NSL1: variants seen among roughly 807,000 people sequenced by gnomAD.
NSL1 encodes the protein kinetochore-associated protein NSL1 homolog.
Under a neutral mutation model 25.4 loss-of-function variants are expected in NSL1, and 11 were observed. That is an observed-to-expected ratio of 0.43 (90% confidence interval 0.27 to 0.72). The LOEUF (loss-of-function observed/expected upper bound fraction) is 0.72. Among genes scored for constraint, NSL1 ranks in the 30% least tolerant of loss-of-function variants. The pLI, the probability that NSL1 is intolerant of heterozygous loss-of-function variation, is 0.19. For missense variants in NSL1, 330 were observed against 342.7 expected (o/e 0.96, Z 0.29); for synonymous variants, 118 against 120.6 (o/e 0.98, Z 0.14).
chr1:212,770,139 GAT>G (rs1281291478), intron 4 of NSL1, among the ~76,000 whole-genome samples: 1 of 151,960 alleles, frequency 6.6e-6, no homozygotes, highest in African/African-American at 2.4e-5. Context: ...TCAGAAAGAG[GAT>G]ATAATAATTC....
intron 3 of NSL1, among the ~76,000 whole-genome samples, chr1:212,783,084 A>G (rs1660797655): frequency 6.6e-6 from 1 of 152,208 alleles, no homozygotes; most frequent in South Asian, 2.1e-4. Flanking sequence ...AGGCAGGAGA[A>G]TGTCTTTTGC....
At chr1:212,773,919 T>C (rs761097392) in intron 4 of NSL1, among the ~76,000 whole-genome samples, 12 of 149,830 alleles carry the variant, frequency 8.0e-5, no homozygotes, top group Non-Finnish European at 1.8e-4. Context: ...TTAAGTGAAA[T>C]AAGCCAGGGA....
intron 4 of NSL1, chr1:212,766,389 A>G (rs1448427929): frequency 2.3e-6 from 1 of 426,776 alleles, no homozygotes; most frequent in African/African-American, 2.0e-5. Context: ...GAGGAACCCA[A>G]ACTGTCACTG....
intron 4 of NSL1, among the ~76,000 whole-genome samples, chr1:212,758,900 A>G (rs1331650846): frequency 4.6e-5 from 7 of 152,232 alleles, no homozygotes; most frequent in Admixed American, 1.3e-4. Flanking sequence ...CAAAGCTATA[A>G]TAATCAAGAC....
intron 4 of NSL1, among the ~76,000 whole-genome samples, chr1:212,741,283 C>T (rs1372363495): frequency 6.6e-6 from 1 of 152,218 alleles, no homozygotes; most frequent in African/African-American, 2.4e-5. Flanking sequence ...ACTCTCTCTT[C>T]AAGCTTGCAC....
At chr1:212,747,390 G>A (rs1658851516) in intron 4 of NSL1, among the ~76,000 whole-genome samples, 1 of 152,232 alleles carries the variant, frequency 6.6e-6, no homozygotes, top group African/African-American at 2.4e-5. Context: ...AGAAGCTTAT[G>A]GAGAGGCCCA....
Position 212,734,677 on chromosome 1 carries a change from C to A in NSL1, c.*3731G>T, listed in dbSNP as rs577193892. ...TCAATATAGTATCTTTGATATTGAT[C>A]CACATTGTTATAACAGTAATTTGTT... On this transcript the variant is annotated 3_prime_UTR_variant, in exon 6 of 6. Transcript: ENST00000366977. 7.9e-5 allele frequency among the ~76,000 whole-genome samples: 12 copies of A among 152,264 alleles called. No individual in the cohort carries two copies. Among genetic ancestry groups the A allele is most frequent in the African/African-American group, 2.9e-4 (12 of 41,546 alleles).
Position 212,738,441 on chromosome 1 carries a change from TG to T in NSL1, c.812del (p.Pro271HisfsTer36). 2 of 1,613,370 alleles carry T rather than the reference TG, an allele frequency of 1.2e-6. No homozygotes were observed. The highest frequency in any genetic ancestry group is 1.7e-6 in the Non-Finnish European group (2 of 1,179,836). ...TKDCPQRKWY[P>X]LRPKKINLDT ...CAAGATTAATTTTCTTTGGCCGCAA[TG>T]GATACCATTTTCTCTGGGGGCAGTC... On this transcript the variant is annotated frameshift_variant, in exon 6 of 6. Coordinates refer to ENST00000366977, the MANE Select transcript of NSL1 (RefSeq NM_015471.4). LOFTEE classifies it high-confidence loss of function.
chr1:212,753,697 T>C (rs78015280), intron 4 of NSL1, among the ~76,000 whole-genome samples: 3,471 of 152,300 alleles, frequency 0.023, 63 homozygotes, highest in South Asian at 0.041. Flanking sequence ...GATGTATTTA[T>C]TGGGCATGCT....
At chr1:212,770,493 C>A (rs56030642) in intron 4 of NSL1, among the ~76,000 whole-genome samples, 11,818 of 151,320 alleles carry the variant, frequency 0.078, 591 homozygotes, top group Middle Eastern at 0.13. Context: ...AACAAACAAA[C>A]AAAAAAACCA....
At chr1:212,745,160 CTATATATATATATATATAT>C (rs1170336301) in intron 4 of NSL1, among the ~76,000 whole-genome samples, 189 of 117,706 alleles carry the variant, frequency 1.6e-3, no homozygotes, top group East Asian at 9.5e-3. Context: ...AACAAACAAA[CTATATATATATATATATAT>C]ATATATATAT....
chr1:212,746,198 T>G (rs1220940250), intron 4 of NSL1, among the ~76,000 whole-genome samples: 1 of 151,934 alleles, frequency 6.6e-6, no homozygotes, highest in Non-Finnish European at 1.5e-5. Flanking sequence ...GACAAATGCA[T>G]CAAACAACAA....
chr1:212,733,031 A>G lies in NSL1; in HGVS notation c.*5377T>C, dbSNP rs1027089758. On this transcript the variant is annotated 3_prime_UTR_variant, in exon 6 of 6. Transcript: ENST00000366977. ...CTTTATTCTCTTTTTAAATTGAGAT[A>G]TACTTTACCATCTCACTCACCCTTT... Among the ~76,000 whole-genome samples the G allele has an allele frequency of 1.3e-4, 20 of 152,196 alleles. No homozygotes were observed. Among genetic ancestry groups the G allele is most frequent in the Admixed American group, 5.2e-4 (8 of 15,276 alleles).
At chr1:212,784,951 T>C (rs1232119003) in intron 2 of NSL1, among the ~76,000 whole-genome samples, 2 of 152,226 alleles carry the variant, frequency 1.3e-5, no homozygotes, top group African/African-American at 2.4e-5. Flanking sequence ...AAAAAAGGAA[T>C]AGGGAGAAGC....
rs750711277 is a variant in NSL1 at position 212,738,514 on chromosome 1, G to A, written c.740C>T (p.Ala247Val). ...TQIETTPTET[A>V]SRKTSDMVLK... ...TACCATGTCAGAGGTTTTCCTGGAAGCAGTCTCTGTTGGTGTGGTTTCTAT... is the reference window on the plus strand; with the variant it reads ...TACCATGTCAGAGGTTTTCCTGGAAACAGTCTCTGTTGGTGTGGTTTCTAT... Residue 247 changes from alanine to valine, a missense_variant, in exon 6 of 6, where the codon GCT becomes GTT. Ala to Val is a moderately conservative substitution (Grantham distance 64). Transcript: ENST00000366977. The A allele has an allele frequency of 9.3e-6, 15 of 1,614,000 alleles. No individual in the cohort carries two copies. Among genetic ancestry groups the A allele is most frequent in the Non-Finnish European group, 1.2e-5 (14 of 1,180,018 alleles).
intron 2 of NSL1, among the ~76,000 whole-genome samples, chr1:212,784,784 G>C (rs1660871328): frequency 6.6e-6 from 1 of 152,176 alleles, no homozygotes; most frequent in Non-Finnish European, 1.5e-5. Context: ...ACAGACAATT[G>C]CAAGGCAACC....
intron 4 of NSL1, among the ~76,000 whole-genome samples, chr1:212,751,503 A>G (rs554827413): frequency 2.0e-5 from 3 of 152,374 alleles, no homozygotes; most frequent in Admixed American, 1.3e-4. Context: ...TCATAAGAAT[A>G]TAAGTTAACT....
chr1:212,790,693 C>T (rs563402282), intron 1 of NSL1, among the ~76,000 whole-genome samples: 2 of 152,084 alleles, frequency 1.3e-5, no homozygotes, highest in South Asian at 2.1e-4. Context: ...GAGCCCAAGG[C>T]GGGCGGATCA....
At chr1:212,779,008 G>C (rs1370407281) in intron 4 of NSL1, among the ~76,000 whole-genome samples, 1 of 150,942 alleles carries the variant, frequency 6.6e-6, no homozygotes, top group African/African-American at 2.4e-5. Context: ...GTCTCTGCCC[G>C]GCCGCCCATC....
Sources: gnomAD v4.1 joint callset for allele counts (sites outside exome capture counted in the v4.1 genomes callset) on GRCh38, gnomAD v4.1.1 for gene constraint, MANE v1.5 for transcripts, NCBI Gene and HGNC (gene_info 2026-07-23, HGNC 2026-07-21) for gene names.